Variants in MYOF observed in about 807,000 individuals in gnomAD.
The protein encoded by MYOF is myoferlin.
A neutral mutation model predicts 284.2 loss-of-function variants in MYOF; 244 were observed. That is an observed-to-expected ratio of 0.86 (90% CI 0.77 to 0.95). The LOEUF is 0.95. Among genes scored for constraint, MYOF ranks in the 40% least tolerant of loss-of-function variants. MYOF has a pLI of 0.00. For synonymous variants in MYOF, 904 were observed against 919.7 expected, an observed-to-expected ratio of 0.98 and a Z score of 0.31; for missense variants, 2,496 against 2,560.6, an observed-to-expected ratio of 0.97 and a Z score of 0.54.
chr10:93,323,979 C>T (rs1161973625), intron 46 of MYOF, among the ~76,000 whole-genome samples: 1 of 152,136 alleles, frequency 6.6e-6, no homozygotes, highest in Admixed American at 6.5e-5. Context: ...ATTACAGTTC[C>T]CAAAAGGTAA....
chr10:93,343,544 G>A (rs185466824), intron 38 of MYOF, among the ~76,000 whole-genome samples: 1 of 152,208 alleles, frequency 6.6e-6, no homozygotes. Flanking sequence ...AAAATCATTT[G>A]AGGAGATTTA....
At chr10:93,402,384 T>C (rs762553286) in intron 10 of MYOF, 37 bp from the exon 11 acceptor site, 2 of 1,510,302 alleles carry the variant, frequency 1.3e-6, no homozygotes, top group Admixed American at 1.7e-5. Context: ...ATGGACATGC[T>C]AAAAAGGTAC....
chr10:93,455,627 C>T (rs148685667), intron 2 of MYOF, among the ~76,000 whole-genome samples: 2 of 152,016 alleles, frequency 1.3e-5, no homozygotes, highest in Non-Finnish European at 2.9e-5. Context: ...ATCACGCCAC[C>T]GCACTCCAAC....
rs772182328 is a variant in MYOF at position 93,402,238 on chromosome 10, C to G, written c.984G>C (p.Glu328Asp). Residue 328 changes from glutamate to aspartate, a missense_variant, in exon 11 of 54, where the codon GAG (glutamate) becomes GAC (aspartate). Transcript: ENST00000359263. Reference sequence around the variant, plus strand: ...AGAGAATGTAGGGACTCACAGGAGGCTCATCTCCGGTTCCCAGGACAAACA... The same window carrying G: ...AGAGAATGTAGGGACTCACAGGAGGGTCATCTCCGGTTCCCAGGACAAACA... ...VSMFVLGTGD[E>D]PPPERRDRDN... 1 of 1,613,498 alleles carries G rather than the reference C, an allele frequency of 6.2e-7. No homozygotes were observed. Among genetic ancestry groups the G allele is most frequent in the South Asian group, 1.1e-5 (1 of 91,066 alleles).
intron 27 of MYOF, among the ~76,000 whole-genome samples, chr10:93,362,151 T>C (rs1431017371): frequency 6.6e-6 from 1 of 152,146 alleles, no homozygotes; most frequent in East Asian, 1.9e-4. Context: ...GGTTTCACCA[T>C]GTTAGCCAGG....
intron 12 of MYOF, among the ~76,000 whole-genome samples, chr10:93,400,775 T>C (rs1847249698): frequency 6.6e-6 from 1 of 151,792 alleles, no homozygotes; most frequent in Non-Finnish European, 1.5e-5. Flanking sequence ...ATGCAACCAG[T>C]CTCTTGCTGA....
intron 35 of MYOF, among the ~76,000 whole-genome samples, chr10:93,350,470 G>A (rs1049581598): frequency 6.6e-6 from 1 of 152,082 alleles, no homozygotes; most frequent in Non-Finnish European, 1.5e-5. Flanking sequence ...GTGCCACCAT[G>A]CCTAGCTAAT....
chr10:93,480,660 G>T (rs140932101), intron 1 of MYOF, among the ~76,000 whole-genome samples: 1 of 151,762 alleles, frequency 6.6e-6, no homozygotes, highest in Non-Finnish European at 1.5e-5. Flanking sequence ...ATTTTTAGTA[G>T]AGATGGGGTT....
chr10:93,397,258 TGTTA>T lies in MYOF; in HGVS notation c.1319_1322del (p.Leu440GlnfsTer13), dbSNP rs769299056. On this transcript the variant is annotated frameshift_variant, in exon 15 of 54. Coordinates refer to ENST00000359263, the MANE Select transcript of MYOF (RefSeq NM_013451.4). LOFTEE classifies it high-confidence loss of function. ...TATTTTCAACTCACCAGTCATATATTGTTAGTTTTATTTTTTCACACACTGAAGG... is the reference window on the plus strand; with the variant it reads ...TATTTTCAACTCACCAGTCATATATTGTTTTATTTTTTCACACACTGAAGG... 3.8e-6 allele frequency: 6 copies of T among 1,592,904 alleles called. No homozygotes were observed. The highest frequency in any genetic ancestry group is 2.2e-4 in the Middle Eastern group (1 of 4,532).
chr10:93,408,801 G>A lies in MYOF; in HGVS notation c.715C>T (p.Pro239Ser), dbSNP rs201956372. 2.2e-5 allele frequency: 35 copies of A among 1,614,136 alleles called. No individual in the cohort carries two copies. The South Asian group carries it at 3.4e-4, about 16-fold the overall frequency. The change falls in exon 7 of 54, where the codon CCT becomes TCT. Residue 239 changes from proline to serine, a missense_variant. Coordinates refer to ENST00000359263, the MANE Select transcript of MYOF (RefSeq NM_013451.4). ...HRTRIKRGNN[P>S]FFDELFFYNV... ...AACCCCTTTACCTCATCAAAAAAAGGGTTGTTTCCTCTCTTGATTCTTGTT... is the reference window on the plus strand; with the variant it reads ...AACCCCTTTACCTCATCAAAAAAAGAGTTGTTTCCTCTCTTGATTCTTGTT...
intron 4 of MYOF, among the ~76,000 whole-genome samples, chr10:93,430,796 T>C (rs963048311): frequency 6.6e-6 from 1 of 151,998 alleles, no homozygotes; most frequent in Non-Finnish European, 1.5e-5. Context: ...ATCAAATCTA[T>C]CAAATTTGCT....
intron 3 of MYOF, among the ~76,000 whole-genome samples, chr10:93,442,041 C>CACACACACAGAGAG (rs57700900): frequency 0.016 from 2,251 of 142,502 alleles, 28 homozygotes; most frequent in Middle Eastern, 0.026. Flanking sequence ...CACACACACA[C>CACACACACAGAGAG]AGAATAAACC....
chr10:93,389,396 T>G (rs555034072), intron 17 of MYOF, among the ~76,000 whole-genome samples: 2 of 152,368 alleles, frequency 1.3e-5, no homozygotes, highest in African/African-American at 4.8e-5. Flanking sequence ...AAGATAATGC[T>G]ATTTAAATAA....
chr10:93,365,073 C>T (rs1294777866), intron 26 of MYOF, among the ~76,000 whole-genome samples: 1 of 152,190 alleles, frequency 6.6e-6, no homozygotes, highest in East Asian at 1.9e-4. Context: ...TCCTTTCCCT[C>T]ACCAATTTCC....
At chr10:93,443,674 C>T (rs961387178) in intron 3 of MYOF, among the ~76,000 whole-genome samples, 5 of 152,170 alleles carry the variant, frequency 3.3e-5, no homozygotes, top group African/African-American at 1.2e-4. Context: ...ACTCTCAGGG[C>T]TCACCTCATT....
chr10:93,358,620 T>C (rs533961461), intron 29 of MYOF, among the ~76,000 whole-genome samples: 1 of 152,142 alleles, frequency 6.6e-6, no homozygotes, highest in East Asian at 1.9e-4. Context: ...TATGCAGCCA[T>C]AAAAAGGAAC....
At chr10:93,403,032 T>C in intron 9 of MYOF, 142 bp from the exon 10 acceptor site, 1 of 698,116 alleles carries the variant, frequency 1.4e-6, no homozygotes, top group Non-Finnish European at 2.5e-6. Context: ...TCTTATCCTC[T>C]CTGTATCCCC....
Position 93,399,374 on chromosome 10 carries a change from T to G in MYOF, c.1221+18A>C, listed in dbSNP as rs559288566. On this transcript the variant is annotated intron_variant, in intron 13 of 53. Transcript: ENST00000359263. ...ATATTTATTACTAGCAGCATCTGCATTTAGATCATGTACAAACCTTTTTTC... is the reference window on the plus strand; with the variant it reads ...ATATTTATTACTAGCAGCATCTGCAGTTAGATCATGTACAAACCTTTTTTC... 2 of 1,559,152 alleles carry G rather than the reference T, an allele frequency of 1.3e-6. No individual in the cohort carries two copies. Among genetic ancestry groups the G allele is most frequent in the African/African-American group, 1.4e-5 (1 of 73,630 alleles).
At chr10:93,361,890 G>A (rs1038125936) in intron 27 of MYOF, among the ~76,000 whole-genome samples, 1 of 152,170 alleles carries the variant, frequency 6.6e-6, no homozygotes, top group Non-Finnish European at 1.5e-5. Context: ...CTCTCTTTAT[G>A]AGGGGTTACA....
Sources: allele counts gnomAD v4.1 joint callset (sites outside exome capture counted in the v4.1 genomes callset), GRCh38; gene constraint gnomAD v4.1.1; transcripts MANE v1.5; gene names NCBI Gene and HGNC (gene_info 2026-07-23, HGNC 2026-07-21).